Variants in EPHA5 observed in about 807,000 individuals in gnomAD.
The protein encoded by EPHA5 is EPH receptor A5, also known as ephrin type-A receptor 5.
In EPHA5, 60 loss-of-function variants were observed where a neutral mutation model predicts 105.0. That is an observed-to-expected ratio of 0.57 (90% CI 0.46 to 0.71). The LOEUF (loss-of-function observed/expected upper bound fraction) is 0.71. Ranked by LOEUF, EPHA5 falls within the 30% of genes least tolerant of loss-of-function variation. The pLI is 0.00. For missense variants in EPHA5, 1,218 were observed against 1,274.7 expected (o/e 0.96, Z 0.68); for synonymous variants, 513 against 449.1 (o/e 1.14, Z -1.80).
chr4:65,428,399 C>A (rs528357880), intron 5 of EPHA5, among the ~76,000 whole-genome samples: 15 of 152,144 alleles, frequency 9.9e-5, no homozygotes, highest in Admixed American at 2.6e-4. Context: ...ACAGTGCATT[C>A]TCAACACACT....
At chr4:65,458,776 G>A (rs1213604260) in intron 5 of EPHA5, among the ~76,000 whole-genome samples, 3 of 151,936 alleles carry the variant, frequency 2.0e-5, no homozygotes, top group South Asian at 2.1e-4. Flanking sequence ...ATAGAAACAA[G>A]CCTACAGTAA....
chr4:65,353,156 A>G, intron 11 of EPHA5, 53 bp from the exon 12 acceptor site: 3 of 1,177,494 alleles, frequency 2.5e-6, no homozygotes, highest in Non-Finnish European at 3.5e-6. Flanking sequence ...TTGCATTCTT[A>G]TCTGGCAAAG....
In EPHA5 at chr4:65,480,935, A is replaced by G. The variant is rs546729859; in HGVS notation, c.1402+9442T>C. On this transcript the variant is annotated intron_variant, in intron 5 of 16. Coordinates refer to ENST00000613740, the MANE Select transcript of EPHA5 (RefSeq NM_001281766.3). ...TAGGCAAGTCTATTAAGGAAATGGGAATATAGGATCAGTGATCAGACTGTT... is the reference window on the plus strand; with the variant it reads ...TAGGCAAGTCTATTAAGGAAATGGGGATATAGGATCAGTGATCAGACTGTT... 2.6e-5 allele frequency among the ~76,000 whole-genome samples: 4 copies of G among 152,230 alleles called. No homozygotes were observed. The East Asian group carries it at 7.7e-4, about 29-fold the overall frequency.
intron 3 of EPHA5, among the ~76,000 whole-genome samples, chr4:65,518,941 G>T (rs1045917165): frequency 6.6e-6 from 1 of 152,044 alleles, no homozygotes; most frequent in African/African-American, 2.4e-5. Context: ...TAGAAAAAGA[G>T]GGAATCCTCC....
At chr4:65,331,236 T>C (rs1720585425) in intron 16 of EPHA5, 2 of 1,029,656 alleles carry the variant, frequency 1.9e-6, no homozygotes, top group Admixed American at 1.1e-4. Flanking sequence ...TAAAGACAGT[T>C]AATTTTCACA....
chr4:65,582,624 G>A (rs1446235616), intron 3 of EPHA5, among the ~76,000 whole-genome samples: 1 of 151,604 alleles, frequency 6.6e-6, no homozygotes, highest in Non-Finnish European at 1.5e-5. Flanking sequence ...GGTTACAGAT[G>A]TCTATGAAAA....
chr4:65,627,411 A>G (rs548667116), intron 2 of EPHA5, among the ~76,000 whole-genome samples: 34 of 152,252 alleles, frequency 2.2e-4, no homozygotes, highest in African/African-American at 7.9e-4. Context: ...TATTTTCTAG[A>G]CTCAACTTGA....
chr4:65,471,285 C>A (rs958014797), intron 5 of EPHA5, among the ~76,000 whole-genome samples: 3 of 152,118 alleles, frequency 2.0e-5, no homozygotes, highest in South Asian at 2.1e-4. Flanking sequence ...GATACCAATG[C>A]CAACATCATA....
chr4:65,644,264 G>A (rs956268894), intron 1 of EPHA5, among the ~76,000 whole-genome samples: 1 of 151,664 alleles, frequency 6.6e-6, no homozygotes, highest in South Asian at 2.1e-4. Flanking sequence ...TACATATGGT[G>A]TTACATACTG....
chr4:65,378,344 C>G (rs1211417495), intron 8 of EPHA5, among the ~76,000 whole-genome samples: 1 of 151,818 alleles, frequency 6.6e-6, no homozygotes, highest in Non-Finnish European at 1.5e-5. Context: ...GTCAGAGTTA[C>G]AGTATATCAG....
chr4:65,536,716 T>A (rs931327994), intron 3 of EPHA5, among the ~76,000 whole-genome samples: 1 of 151,364 alleles, frequency 6.6e-6, no homozygotes, highest in Admixed American at 6.6e-5. Context: ...ACAATTGTAC[T>A]CTTTGAATTT....
At chr4:65,357,691 C>G (rs73822118) in intron 11 of EPHA5, among the ~76,000 whole-genome samples, 16,166 of 151,082 alleles carry the variant, frequency 0.11, 962 homozygotes, top group African/African-American at 0.15. Flanking sequence ...TGGAGGGTTG[C>G]TGTTCAATGT....
intron 3 of EPHA5, among the ~76,000 whole-genome samples, chr4:65,558,709 A>T (rs1307653576): frequency 6.6e-6 from 1 of 151,976 alleles, no homozygotes; most frequent in Non-Finnish European, 1.5e-5. Flanking sequence ...ACCCCACAAC[A>T]GGCCCTGGTG....
intron 7 of EPHA5, among the ~76,000 whole-genome samples, chr4:65,413,720 T>C (rs962152042): frequency 3.3e-5 from 5 of 152,152 alleles, no homozygotes; most frequent in Non-Finnish European, 7.3e-5. Flanking sequence ...ATAAATATTT[T>C]GTTGAAATTA....
At chr4:65,522,316 G>GTATATATATATATATATTTATATATA (rs1734827424) in intron 3 of EPHA5, among the ~76,000 whole-genome samples, 1 of 142,860 alleles carries the variant, frequency 7.0e-6, no homozygotes, top group African/African-American at 2.7e-5. Flanking sequence ...ATATATATAT[G>GTATATATATATATATATTTATATATA]TATATATATA....
At chr4:65,486,872 G>T (rs537885759) in intron 5 of EPHA5, among the ~76,000 whole-genome samples, 2 of 152,330 alleles carry the variant, frequency 1.3e-5, no homozygotes, top group African/African-American at 4.8e-5. Context: ...TGTTGGAAGT[G>T]GGGCCTCCTG....
intron 5 of EPHA5, among the ~76,000 whole-genome samples, chr4:65,433,664 G>A (rs554733443): frequency 7.9e-5 from 12 of 152,190 alleles, no homozygotes; most frequent in Admixed American, 6.5e-4. Context: ...GTGTTGGCAG[G>A]GCTGTGTTTC....
In EPHA5 at chr4:65,573,643, T is replaced by C. The variant is rs113538024; in HGVS notation, c.910+27998A>G. 8.7e-6 allele frequency: 14 copies of C among 1,601,308 alleles called. No individual in the cohort carries two copies. In the African/African-American group the frequency reaches 9.4e-5, roughly 11 times the overall value. The stretch of plus-strand genomic sequence containing the variant: ...ATTGGCAGGTATTCCCGATCTGCCA[T>C]GTATTCCAGAAAGGCCATGTACAAG... On this transcript the variant is annotated intron_variant, in intron 3 of 16. Transcript: ENST00000613740.
In EPHA5 at chr4:65,388,020, A is replaced by G. The variant is rs1447327283; in HGVS notation, c.1793+16354T>C. Among the ~76,000 whole-genome samples the G allele has an allele frequency of 3.2e-5, 4 of 124,380 alleles. 1 individual carries two copies. The highest frequency in any genetic ancestry group is 6.4e-5 in the Non-Finnish European group (4 of 62,352). The allele number at this position is 124,380 out of a possible 152,430, so 81.6% of individuals were successfully genotyped here. A position where few individuals can be genotyped will look rare whatever the true frequency, so the allele number is the denominator to read the frequency against. On this transcript the variant is annotated intron_variant, in intron 8 of 16. Transcript: ENST00000613740. ...GTGTGATGTTCCCCTTCCTGTGTCC[A>G]TGTGTTCTCATTGTTCAATTCCCAT...
Sources: gnomAD v4.1 joint callset for allele counts (sites outside exome capture counted in the v4.1 genomes callset) on GRCh38, gnomAD v4.1.1 for gene constraint, MANE v1.5 for transcripts, NCBI Gene and HGNC (gene_info 2026-07-23, HGNC 2026-07-21) for gene names.